PPM1D: variants seen among roughly 807,000 people sequenced by gnomAD.
PPM1D encodes the protein protein phosphatase 1D.
PPM1D carries 52 observed loss-of-function variants against 58.3 expected under a neutral mutation model. That is an observed-to-expected ratio of 0.89 (90% CI 0.71 to 1.12). PPM1D has a LOEUF of 1.12. Ranked by LOEUF, PPM1D falls within the 50% of genes most tolerant of loss-of-function variation. The pLI is 0.00. For missense variants in PPM1D, 564 were observed against 777.2 expected (o/e 0.73, Z 3.26); for synonymous variants, 278 against 285.1 (o/e 0.98, Z 0.25).
At chr17:60,651,678 G>C (rs1361507701) in intron 4 of PPM1D, among the ~76,000 whole-genome samples, 2 of 152,042 alleles carry the variant, frequency 1.3e-5, no homozygotes, top group African/African-American at 4.8e-5. Flanking sequence ...TTACAGGTGT[G>C]AACCACCATG....
At chr17:60,654,957 T>C (rs2031410682) in intron 4 of PPM1D, among the ~76,000 whole-genome samples, 2 of 152,190 alleles carry the variant, frequency 1.3e-5, no homozygotes, top group Admixed American at 6.5e-5. Context: ...TTTTGTTCTG[T>C]GAAACCTAGC....
intron 1 of PPM1D, among the ~76,000 whole-genome samples, chr17:60,603,796 C>T (rs1226449254): frequency 6.6e-6 from 1 of 151,924 alleles, no homozygotes; most frequent in African/African-American, 2.4e-5. Flanking sequence ...TTATCATATC[C>T]ACTTCTGCAC....
chr17:60,660,029 T>C (rs897427705), intron 5 of PPM1D, among the ~76,000 whole-genome samples: 1 of 152,040 alleles, frequency 6.6e-6, no homozygotes, highest in Non-Finnish European at 1.5e-5. Context: ...GGTGAAACCC[T>C]GTTTCTACTA....
At chr17:60,602,782 A>G (rs1290732628) in intron 1 of PPM1D, among the ~76,000 whole-genome samples, 6 of 113,480 alleles carry the variant, frequency 5.3e-5, no homozygotes, top group East Asian at 2.8e-4. Flanking sequence ...AAAGCTTGAA[A>G]AAAAAAAAAA....
chr17:60,610,097 T>C (rs903777304), intron 1 of PPM1D, among the ~76,000 whole-genome samples: 16 of 151,542 alleles, frequency 1.1e-4, no homozygotes, highest in African/African-American at 3.9e-4. Flanking sequence ...GGGGAATTGC[T>C]TGAACCTGGG....
At chr17:60,613,846 C>T (rs1468892965) in intron 1 of PPM1D, among the ~76,000 whole-genome samples, 1 of 152,126 alleles carries the variant, frequency 6.6e-6, no homozygotes. Context: ...TTAGCTGACT[C>T]CCCATGAGGC....
intron 2 of PPM1D, among the ~76,000 whole-genome samples, chr17:60,627,408 G>T (rs2030831446): frequency 6.6e-6 from 1 of 151,412 alleles, no homozygotes; most frequent in African/African-American, 2.4e-5. Flanking sequence ...CAACATGCCA[G>T]CTAATTTTCT....
chr17:60,614,726 A>G lies in PPM1D; in HGVS notation c.473-8795A>G, dbSNP rs763248866. 4.6e-5 allele frequency among the ~76,000 whole-genome samples: 7 copies of G among 152,134 alleles called. No individual in the cohort carries two copies. In the East Asian group the frequency reaches 1.2e-3, roughly 25 times the overall value. On this transcript the variant is annotated intron_variant, in intron 1 of 5. Transcript: ENST00000305921. Reference sequence around the variant, plus strand: ...ACTCCTGAAGCCAGGGAGACCACCAACCCACCAGAAGGAACGAACAACTCC... The same window carrying G: ...ACTCCTGAAGCCAGGGAGACCACCAGCCCACCAGAAGGAACGAACAACTCC...
At chr17:60,655,868 A>C (rs1324204100) in intron 4 of PPM1D, among the ~76,000 whole-genome samples, 2 of 150,792 alleles carry the variant, frequency 1.3e-5, no homozygotes, top group African/African-American at 2.4e-5. Flanking sequence ...CGCCCGGCTA[A>C]TTTTTTGTTT....
intron 1 of PPM1D, among the ~76,000 whole-genome samples, chr17:60,618,575 T>C (rs996360459): frequency 1.3e-5 from 2 of 152,232 alleles, no homozygotes; most frequent in African/African-American, 4.8e-5. Context: ...ATTTTGTGGC[T>C]GTTTGGATTT....
At chr17:60,603,553 A>G (rs2030265880) in intron 1 of PPM1D, among the ~76,000 whole-genome samples, 7 of 152,210 alleles carry the variant, frequency 4.6e-5, no homozygotes, top group Admixed American at 3.9e-4. Flanking sequence ...ACCTGAGGTC[A>G]GGAGTTTGAG....
intron 3 of PPM1D, among the ~76,000 whole-genome samples, chr17:60,636,529 G>A (rs1694699451): frequency 6.6e-6 from 1 of 152,144 alleles, no homozygotes; most frequent in Non-Finnish European, 1.5e-5. Flanking sequence ...CTATGAGGGT[G>A]GGGCCTGTAT....
intron 3 of PPM1D, among the ~76,000 whole-genome samples, chr17:60,645,482 G>GTGTGTA (rs1555647643): frequency 9.5e-4 from 131 of 138,524 alleles, no homozygotes; most frequent in African/African-American, 3.7e-3. Context: ...GTGTGTGTGT[G>GTGTGTA]TGTGTGTGTG....
chr17:60,648,214 A>G, intron 4 of PPM1D, 132 bp downstream of exon 4: 1 of 853,756 alleles, frequency 1.2e-6, no homozygotes, highest in Non-Finnish European at 1.8e-6. Flanking sequence ...GCTAGTGGGT[A>G]AAACATAGGC....
intron 3 of PPM1D, among the ~76,000 whole-genome samples, chr17:60,637,311 G>A (rs570048729): frequency 1.5e-4 from 23 of 151,792 alleles, no homozygotes; most frequent in African/African-American, 5.3e-4. Context: ...TCACCATGTT[G>A]GTCAGGCTGG....
intron 3 of PPM1D, among the ~76,000 whole-genome samples, chr17:60,640,959 T>G (rs1015707811): frequency 6.6e-6 from 1 of 152,088 alleles, no homozygotes; most frequent in Non-Finnish European, 1.5e-5. Flanking sequence ...CTGTGTAGTA[T>G]TCTGTAGTGT....
At chr17:60,634,946 A>G (rs1598407059) in intron 3 of PPM1D, among the ~76,000 whole-genome samples, 1 of 151,714 alleles carries the variant, frequency 6.6e-6, no homozygotes, top group African/African-American at 2.4e-5. Flanking sequence ...ACGCCTGGCT[A>G]ATTTTTTCTT....
intron 3 of PPM1D, among the ~76,000 whole-genome samples, chr17:60,634,995 G>A (rs1392850400): frequency 1.3e-5 from 2 of 151,738 alleles, no homozygotes; most frequent in African/African-American, 2.4e-5. Flanking sequence ...GCCCGGGGTG[G>A]TCCTGGGCTT....
At chr17:60,643,148 G>C (rs111462991) in intron 3 of PPM1D, among the ~76,000 whole-genome samples, 1,524 of 152,194 alleles carry the variant, frequency 0.01, 32 homozygotes, top group African/African-American at 0.034. Flanking sequence ...GGGAGGCCGA[G>C]GTGGGTGGAT....
Sources: gnomAD v4.1 joint callset for allele counts (sites outside exome capture counted in the v4.1 genomes callset) on GRCh38, gnomAD v4.1.1 for gene constraint, MANE v1.5 for transcripts, NCBI Gene and HGNC (gene_info 2026-07-23, HGNC 2026-07-21) for gene names.